Variants in KCNN2 observed in about 807,000 individuals in gnomAD.
KCNN2 encodes the protein potassium calcium-activated channel subfamily N member 2.
A neutral mutation model predicts 55.5 loss-of-function variants in KCNN2; 24 were observed. That is an observed-to-expected ratio of 0.43 (90% CI 0.31 to 0.61). The LOEUF is 0.61. Ranked by LOEUF, KCNN2 falls within the 20% of genes least tolerant of loss-of-function variation. The probability of loss-of-function intolerance (pLI) is 0.08; values close to 1 mark genes in which losing one functional copy is unlikely to be tolerated. For missense variants in KCNN2, 754 were observed against 853.6 expected (o/e 0.88, Z 1.45); for synonymous variants, 431 against 336.1 (o/e 1.28, Z -3.09).
chr5:114,307,909 C>T (rs1287614488), intron 2 of KCNN2, among the ~76,000 whole-genome samples: 1 of 151,980 alleles, frequency 6.6e-6, no homozygotes, highest in Non-Finnish European at 1.5e-5. Context: ...CCTTATACTT[C>T]CTATTCAGCT....
intron 2 of KCNN2, among the ~76,000 whole-genome samples, chr5:114,376,456 C>T (rs1757949279): frequency 6.6e-6 from 1 of 152,172 alleles, no homozygotes; most frequent in Admixed American, 6.5e-5. Context: ...GCAGAAGCCT[C>T]ACCTTCAAAA....
rs867864026 is a variant in KCNN2, at chr5:114,473,248, C to T, written c.1890+84C>T. 82 of 874,856 alleles carry T rather than the reference C, an allele frequency of 9.4e-5. 1 individual carries two copies. The Middle Eastern group carries it at 3.4e-3, about 36-fold the overall frequency. 54.2% of individuals were successfully genotyped at this position (874,856 alleles called of 1,614,324 possible). A position where few individuals can be genotyped will look rare whatever the true frequency, so the allele number is the denominator to read the frequency against. ...GAAATATGGTTTTTATTTTGACATCCGAAGCTGAAATGACATGGTTTGAAA... is the reference window on the plus strand; with the variant it reads ...GAAATATGGTTTTTATTTTGACATCTGAAGCTGAAATGACATGGTTTGAAA... On this transcript the variant is annotated intron_variant, in intron 5 of 7. Coordinates refer to ENST00000673685, the MANE Select transcript of KCNN2 (RefSeq NM_021614.4).
At chr5:114,056,841 C>T (rs1487713820) in intron 1 of KCNN2, among the ~76,000 whole-genome samples, 1 of 152,122 alleles carries the variant, frequency 6.6e-6, no homozygotes, top group African/African-American at 2.4e-5. Context: ...TTTTGCCATC[C>T]CTCTTTGGAA....
At chr5:114,328,626 G>A (rs1756752963) in intron 2 of KCNN2, among the ~76,000 whole-genome samples, 1 of 152,138 alleles carries the variant, frequency 6.6e-6, no homozygotes, top group South Asian at 2.1e-4. Context: ...CGGGAAACCA[G>A]CTGCCCAGTG....
chr5:114,258,307 C>A (rs947160284), intron 2 of KCNN2, among the ~76,000 whole-genome samples: 4 of 152,020 alleles, frequency 2.6e-5, no homozygotes, highest in African/African-American at 9.7e-5. Context: ...TAGTTTTTTA[C>A]TTTTTAGTGT....
chr5:114,480,046 A>G (rs891180697), intron 5 of KCNN2, among the ~76,000 whole-genome samples: 1 of 152,026 alleles, frequency 6.6e-6, no homozygotes, highest in African/African-American at 2.4e-5. Flanking sequence ...AGAGACACAA[A>G]TAACCCTTCA....
intron 1 of KCNN2, among the ~76,000 whole-genome samples, chr5:114,194,635 T>C (rs1347257780): frequency 6.6e-6 from 1 of 152,100 alleles, no homozygotes; most frequent in Admixed American, 6.6e-5. Flanking sequence ...AATGTTTTCT[T>C]CTATTCAGTA....
intron 1 of KCNN2, among the ~76,000 whole-genome samples, chr5:114,205,883 T>C (rs553943400): frequency 1.5e-4 from 23 of 152,304 alleles, no homozygotes; most frequent in African/African-American, 5.5e-4. Flanking sequence ...AGGAATAGAA[T>C]AGATGGCAGA....
chr5:114,367,574 TATTA>T (rs971319361), intron 2 of KCNN2, among the ~76,000 whole-genome samples: 46 of 152,246 alleles, frequency 3.0e-4, no homozygotes, highest in South Asian at 6.2e-4. Flanking sequence ...GGTCCCTTGA[TATTA>T]AGTAAGTAGC....
At chr5:114,159,118 A>G (rs1351393146) in intron 1 of KCNN2, among the ~76,000 whole-genome samples, 1 of 152,202 alleles carries the variant, frequency 6.6e-6, no homozygotes, top group African/African-American at 2.4e-5. Context: ...TTGTCCATTC[A>G]GTATGATATT....
intron 1 of KCNN2, among the ~76,000 whole-genome samples, chr5:114,175,635 T>A (rs1753118747): frequency 6.6e-6 from 1 of 151,932 alleles, no homozygotes; most frequent in South Asian, 2.1e-4. Flanking sequence ...AGGAGGGAGA[T>A]GTAAAGTATA....
intron 5 of KCNN2, among the ~76,000 whole-genome samples, chr5:114,474,675 C>T (rs1384108041): frequency 6.6e-6 from 1 of 152,082 alleles, no homozygotes; most frequent in Non-Finnish European, 1.5e-5. Context: ...ATGTTTGGTC[C>T]TTTCAGGGCT....
intron 5 of KCNN2, chr5:114,473,369 G>A (rs1761835943): frequency 3.5e-6 from 2 of 563,588 alleles, no homozygotes; most frequent in Non-Finnish European, 6.3e-6. Context: ...GGCAGTCTTG[G>A]TATTTGGATA....
intron 1 of KCNN2, among the ~76,000 whole-genome samples, chr5:114,074,817 C>CA (rs113074511): frequency 0.018 from 2,772 of 152,284 alleles, 95 homozygotes; most frequent in African/African-American, 0.063. Context: ...GAAAGTCAGT[C>CA]CCTTTAAACC....
intron 1 of KCNN2, among the ~76,000 whole-genome samples, chr5:114,163,030 C>T (rs935967025): frequency 1.3e-5 from 2 of 152,164 alleles, no homozygotes; most frequent in African/African-American, 2.4e-5. Flanking sequence ...GTCTGGCAAT[C>T]CCCAGTGAGA....
At chr5:114,236,398 T>TAATTCAATTAC (rs70976323) in intron 2 of KCNN2, among the ~76,000 whole-genome samples, 125,972 of 151,616 alleles carry the variant, frequency 0.83, 52,403 homozygotes, top group East Asian at 0.89. Flanking sequence ...TTTAGGCTTA[T>TAATTCAATTAC]AATTCAATTA....
intron 2 of KCNN2, among the ~76,000 whole-genome samples, chr5:114,367,315 T>A (rs1013640288): frequency 3.9e-5 from 6 of 152,202 alleles, no homozygotes; most frequent in African/African-American, 1.4e-4. Flanking sequence ...TTTTACTAAT[T>A]ACTTTTATAC....
At chr5:114,202,839 G>A (rs550985180) in intron 1 of KCNN2, among the ~76,000 whole-genome samples, 102 of 152,094 alleles carry the variant, frequency 6.7e-4, no homozygotes, top group South Asian at 2.5e-3. Context: ...GCCTGCCTTG[G>A]CCTTCCAAAG....
chr5:114,424,025 T>C (rs1460777806), intron 3 of KCNN2, among the ~76,000 whole-genome samples: 3 of 152,128 alleles, frequency 2.0e-5, no homozygotes, highest in African/African-American at 7.3e-5. Flanking sequence ...AACTGATGCA[T>C]GGGAAAATAC....
Sources: gnomAD v4.1 joint callset for allele counts (sites outside exome capture counted in the v4.1 genomes callset) on GRCh38, gnomAD v4.1.1 for gene constraint, MANE v1.5 for transcripts, NCBI Gene and HGNC (gene_info 2026-07-23, HGNC 2026-07-21) for gene names.